The following NFATC3 variants were observed in gnomAD, a reference collection of about 807,000 sequenced individuals.
The protein encoded by NFATC3 is nuclear factor of activated T cells 3, also known as nuclear factor of activated T-cells, cytoplasmic 3.
Under a neutral mutation model 98.6 loss-of-function variants are expected in NFATC3, and 46 were observed. The observed-to-expected ratio is 0.47, with a 90% CI of 0.37 to 0.60. NFATC3 has a LOEUF of 0.60. Among genes scored for constraint, NFATC3 ranks in the 20% least tolerant of loss-of-function variants. NFATC3 has a pLI of 0.00. For missense variants in NFATC3, 1,256 were observed against 1,295.5 expected, an observed-to-expected ratio of 0.97 and a Z score of 0.47; for synonymous variants, 512 against 472.2, an observed-to-expected ratio of 1.08 and a Z score of -1.09.
intron 1 of NFATC3, among the ~76,000 whole-genome samples, chr16:68,099,537 G>T (rs544183932): frequency 6.6e-6 from 1 of 151,862 alleles, no homozygotes; most frequent in Admixed American, 6.6e-5. Flanking sequence ...GGAGGCGAGG[G>T]TTGCAGTGAG....
intron 4 of NFATC3, among the ~76,000 whole-genome samples, chr16:68,163,555 C>T (rs2039012355): frequency 6.6e-6 from 1 of 151,906 alleles, no homozygotes; most frequent in South Asian, 2.1e-4. Context: ...ACCCCCACCT[C>T]CCTCCTGGAC....
intron 3 of NFATC3, among the ~76,000 whole-genome samples, chr16:68,146,628 G>A (rs2038052486): frequency 6.6e-6 from 1 of 152,064 alleles, no homozygotes; most frequent in African/African-American, 2.4e-5. Context: ...GTTGTCATGG[G>A]TCTAATATAT....
Position 68,212,193 on chromosome 16 carries a change from C to T in NFATC3, c.3107-14157C>T, listed in dbSNP as rs1347041715. Among the ~76,000 whole-genome samples the T allele has an allele frequency of 2.6e-5, 4 of 152,308 alleles. No individual in the cohort carries two copies. In the South Asian group the frequency reaches 8.3e-4, roughly 32 times the overall value. On this transcript the variant is annotated intron_variant, in intron 9 of 9. Coordinates refer to ENST00000346183, the MANE Select transcript of NFATC3 (RefSeq NM_173165.3). ...ACACACTGTAATCTTTAAATCACCT[C>T]TGAAAACTAGGTGAGTGATCTCAAA...
chr16:68,221,095 A>T, intron 9 of NFATC3: 1 of 1,320,720 alleles, frequency 7.6e-7, no homozygotes, highest in Non-Finnish European at 1.1e-6. Context: ...TATCCATTCA[A>T]GATGACTTGA....
chr16:68,100,913 T>G (rs988549319), intron 1 of NFATC3, among the ~76,000 whole-genome samples: 1 of 146,934 alleles, frequency 6.8e-6, no homozygotes, highest in Non-Finnish European at 1.5e-5. Context: ...GTGGGGTGTG[T>G]GTGTGTGTGT....
intron 1 of NFATC3, among the ~76,000 whole-genome samples, chr16:68,109,107 A>C (rs1346140609): frequency 6.6e-6 from 1 of 152,048 alleles, no homozygotes; most frequent in African/African-American, 2.4e-5. Context: ...TTCCATTACT[A>C]TGTTGAATAG....
At chr16:68,102,196 C>T (rs1392036628) in intron 1 of NFATC3, among the ~76,000 whole-genome samples, 2 of 151,564 alleles carry the variant, frequency 1.3e-5, no homozygotes, top group African/African-American at 4.9e-5. Context: ...ATGGTGAAAC[C>T]CCGTCTCTAC....
At chr16:68,201,458 A>T (rs1348258743) in intron 9 of NFATC3, among the ~76,000 whole-genome samples, 1 of 149,422 alleles carries the variant, frequency 6.7e-6, no homozygotes, top group Non-Finnish European at 1.5e-5. Context: ...TTTGGTAGAG[A>T]TGGAGTTTCG....
At chr16:68,143,230 AG>A (rs1356393023) in intron 3 of NFATC3, among the ~76,000 whole-genome samples, 5 of 150,208 alleles carry the variant, frequency 3.3e-5, no homozygotes, top group African/African-American at 9.8e-5. Flanking sequence ...AAAAAAAAAA[AG>A]GAAAGAAAGA....
intron 9 of NFATC3, among the ~76,000 whole-genome samples, chr16:68,197,014 G>C (rs776583818): frequency 8.5e-5 from 13 of 152,048 alleles, no homozygotes; most frequent in Non-Finnish European, 1.8e-4. Context: ...TGGGCAACAA[G>C]AGTGAAAGTC....
chr16:68,097,775 T>G (rs1393705591), intron 1 of NFATC3, among the ~76,000 whole-genome samples: 1 of 152,164 alleles, frequency 6.6e-6, no homozygotes, highest in Non-Finnish European at 1.5e-5. Flanking sequence ...ACAGTTTAAG[T>G]TTTGACACAT....
chr16:68,089,308 C>CT, intron 1 of NFATC3: 1 of 979,470 alleles, frequency 1.0e-6, no homozygotes, highest in South Asian at 4.7e-5. Flanking sequence ...CTTGATAACG[C>CT]TTAATAATGT....
chr16:68,109,756 A>C (rs1436690520), intron 1 of NFATC3, among the ~76,000 whole-genome samples: 1 of 152,038 alleles, frequency 6.6e-6, no homozygotes, highest in African/African-American at 2.4e-5. Context: ...TTCATAACTC[A>C]TTATTGGTCT....
rs532761605 is a variant in NFATC3, at chr16:68,191,663, T to G, written c.2994T>G (p.Cys998Trp). The change falls in exon 9 of 10, where the codon TGT (cysteine) becomes TGG (tryptophan). Residue 998 changes from cysteine to tryptophan, a missense_variant. Physicochemically the swap from Cys to Trp is radical, Grantham distance 215 (BLOSUM62 -2). This residue lies in a region of NFATC3 where 636 missense variants were observed against 617.3 expected (regional missense o/e 1.03). Transcript: ENST00000346183. ...CATCCTTAATATGTCACAGTTTGTG[T>G]GATCCAGCGTCATTTCCACCTGATG... ...APSSLICHSLCDPASFPPDGA... is the reference protein window; with the variant it reads ...APSSLICHSLWDPASFPPDGA... 1.2e-4 allele frequency: 192 copies of G among 1,614,028 alleles called. No homozygotes were observed. Among genetic ancestry groups the G allele is most frequent in the Non-Finnish European group, 1.6e-4 (185 of 1,180,040 alleles).
At chr16:68,105,354 G>A (rs2035597067) in intron 1 of NFATC3, among the ~76,000 whole-genome samples, 1 of 152,082 alleles carries the variant, frequency 6.6e-6, no homozygotes, top group African/African-American at 2.4e-5. Context: ...GCCTCCCAAA[G>A]TACAGGCATG....
intron 1 of NFATC3, among the ~76,000 whole-genome samples, chr16:68,113,711 C>T (rs890433816): frequency 1.3e-5 from 2 of 152,226 alleles, no homozygotes; most frequent in South Asian, 2.1e-4. Flanking sequence ...CCATGACCAC[C>T]CCTACCCGTA....
intron 3 of NFATC3, among the ~76,000 whole-genome samples, chr16:68,129,293 C>T (rs1317553063): frequency 6.6e-6 from 1 of 152,094 alleles, no homozygotes; most frequent in Admixed American, 6.5e-5. Context: ...CTGAGTCTCT[C>T]GTTAAGGGGA....
intron 3 of NFATC3, among the ~76,000 whole-genome samples, chr16:68,139,335 T>G (rs1016887278): frequency 2.6e-5 from 4 of 152,204 alleles, no homozygotes; most frequent in Non-Finnish European, 5.9e-5. Flanking sequence ...TTGTAAATGC[T>G]CAGTAAAAGT....
At chr16:68,170,430 AAT>A (rs2039405731) in intron 5 of NFATC3, among the ~76,000 whole-genome samples, 5 of 150,516 alleles carry the variant, frequency 3.3e-5, no homozygotes, top group Admixed American at 1.3e-4. Context: ...AGAATAGTAT[AAT>A]ATTAAATTAT....
Sources: gnomAD v4.1 joint callset for allele counts (sites outside exome capture counted in the v4.1 genomes callset) on GRCh38, gnomAD v4.1.1 for gene constraint, gnomAD v4.1.1 regional missense constraint, MANE v1.5 for transcripts, NCBI Gene and HGNC (gene_info 2026-07-23, HGNC 2026-07-21) for gene names.